The following MIA2 variants were observed in gnomAD, a reference collection of about 807,000 sequenced individuals.
MIA2 encodes melanoma inhibitory activity protein 2.
A neutral mutation model predicts 167.8 loss-of-function variants in MIA2; 127 were observed. That is an observed-to-expected ratio of 0.76 (90% CI 0.66 to 0.88). The LOEUF (loss-of-function observed/expected upper bound fraction) is 0.88. Ranked by LOEUF, MIA2 falls within the 40% of genes least tolerant of loss-of-function variation. MIA2 has a pLI of 0.00. For synonymous variants in MIA2, 552 were observed against 541.9 expected, an observed-to-expected ratio of 1.02 and a Z score of -0.26; for missense variants, 1,690 against 1,624.7, an observed-to-expected ratio of 1.04 and a Z score of -0.69.
intron 18 of MIA2, among the ~76,000 whole-genome samples, chr14:39,308,963 C>T (rs2063777742): frequency 6.6e-6 from 1 of 152,132 alleles, no homozygotes; most frequent in African/African-American, 2.4e-5. Flanking sequence ...TTGCTTCTGC[C>T]CAGGTGTTCC....
chr14:39,305,493 C>G (rs1353988297), intron 17 of MIA2, among the ~76,000 whole-genome samples: 1 of 152,134 alleles, frequency 6.6e-6, no homozygotes, highest in Non-Finnish European at 1.5e-5. Flanking sequence ...TCTTTCAAAT[C>G]TAACTTTGTT....
intron 25 of MIA2, among the ~76,000 whole-genome samples, chr14:39,329,545 A>G (rs1595696287): frequency 2.0e-5 from 3 of 152,284 alleles, no homozygotes; most frequent in Admixed American, 2.0e-4. Context: ...CTGGTTTTCA[A>G]AGGGAATTCT....
chr14:39,302,450 A>G (rs1160770711), intron 15 of MIA2, among the ~76,000 whole-genome samples: 1 of 152,196 alleles, frequency 6.6e-6, no homozygotes, highest in Non-Finnish European at 1.5e-5. Flanking sequence ...GTCTTTCTCC[A>G]GCTGCTCAGA....
intron 9 of MIA2, among the ~76,000 whole-genome samples, chr14:39,289,199 C>T (rs369606233): frequency 2.1e-5 from 3 of 144,904 alleles, no homozygotes; most frequent in Non-Finnish European, 4.5e-5. Flanking sequence ...TTTTTGGTTT[C>T]GACTTTGTTG....
At chr14:39,336,641 A>C (rs2070484491) in intron 25 of MIA2, among the ~76,000 whole-genome samples, 1 of 152,218 alleles carries the variant, frequency 6.6e-6, no homozygotes, top group Non-Finnish European at 1.5e-5. Context: ...ATTAGTTTGC[A>C]TGTTTAGAAC....
chr14:39,271,781 T>A (rs565300351), intron 6 of MIA2, among the ~76,000 whole-genome samples: 1 of 151,756 alleles, frequency 6.6e-6, no homozygotes, highest in Admixed American at 6.6e-5. Context: ...GCTCCTTAGC[T>A]CAGCTAGGTC....
intron 28 of MIA2, 27 bp from the exon 29 acceptor site, chr14:39,350,071 A>G: frequency 1.0e-6 from 1 of 970,400 alleles, no homozygotes; most frequent in Non-Finnish European, 1.5e-6. Context: ...AAGTTAAAAA[A>G]TGTCTTTTAC....
chr14:39,306,397 C>T (rs1251326402), intron 17 of MIA2, among the ~76,000 whole-genome samples: 1 of 152,048 alleles, frequency 6.6e-6, no homozygotes. Context: ...GGGGTAGCTT[C>T]CTTACATGGT....
chr14:39,299,068 T>TA (rs3065043), intron 13 of MIA2, among the ~76,000 whole-genome samples: 565 of 44,020 alleles, frequency 0.013, 21 homozygotes, highest in African/African-American at 0.034. Flanking sequence ...TCCCTGCCTC[T>TA]AAAAAAAAAA....
At chr14:39,323,763 T>G (rs746917846) in intron 24 of MIA2, among the ~76,000 whole-genome samples, 1 of 152,202 alleles carries the variant, frequency 6.6e-6, no homozygotes, top group Non-Finnish European at 1.5e-5. Context: ...ATTACATAAG[T>G]CAAGGATTGC....
intron 23 of MIA2, among the ~76,000 whole-genome samples, chr14:39,380,691 CAAAAAAAAAAA>C (rs145179098): frequency 3.1e-4 from 26 of 85,018 alleles, no homozygotes; most frequent in East Asian, 1.0e-3. Flanking sequence ...GACTCAGACT[CAAAAAAAAAAA>C]AAAAAAAAAA....
intron 6 of MIA2, among the ~76,000 whole-genome samples, chr14:39,263,180 G>A (rs1236128956): frequency 6.6e-6 from 1 of 152,108 alleles, no homozygotes; most frequent in Non-Finnish European, 1.5e-5. Flanking sequence ...ATTATTTTGA[G>A]ATATGTTCCA....
In MIA2 at chr14:39,311,474, T is replaced by G. The variant is rs1185321024; in HGVS notation, c.3018-1866T>G. On this transcript the variant is annotated intron_variant, in intron 18 of 28. Coordinates refer to ENST00000640607, the MANE Select transcript of MIA2 (RefSeq NM_001329214.4). ...AGAAGCTTGATGTGTTGCTTTTTTT[T>G]TTTTTTTTTTTTTTTTTTGGTGAGA... 3.6e-5 allele frequency among the ~76,000 whole-genome samples: 5 copies of G among 139,096 alleles called. No homozygotes were observed. The East Asian group carries it at 1.0e-3, about 29-fold the overall frequency. The allele number at this position is 139,096 out of a possible 152,430, so 91.3% of individuals were successfully genotyped here. A position where few individuals can be genotyped will look rare whatever the true frequency, so the allele number is the denominator to read the frequency against.
Position 39,326,933 on chromosome 14 carries a change from G to T in MIA2, c.3566G>T (p.Arg1189Met). 1 of 1,598,210 alleles carries T rather than the reference G, an allele frequency of 6.3e-7. No homozygotes were observed. ...TNERGESSCD[R>M]LTDPHRAPSD... is the part of the protein sequence containing the mutation. ...GAAAGAGGAGAATCAAGCTGTGATAGGTTAACCGATCCTCATAGGGCTCCC... is the reference window on the plus strand; with the variant it reads ...GAAAGAGGAGAATCAAGCTGTGATATGTTAACCGATCCTCATAGGGCTCCC... Residue 1189 changes from arginine (R) to methionine (M), a missense_variant, in exon 25 of 29, where the codon AGG becomes ATG. Coordinates refer to ENST00000640607, the MANE Select transcript of MIA2 (RefSeq NM_001329214.4).
chr14:39,267,384 TG>T, intron 6 of MIA2: 1 of 1,603,584 alleles, frequency 6.2e-7, no homozygotes. Context: ...GACCGAAGGC[TG>T]TGTGTTCTCC....
chr14:39,335,980 C>T (rs925630359), intron 25 of MIA2, among the ~76,000 whole-genome samples: 1 of 152,110 alleles, frequency 6.6e-6, no homozygotes, highest in Non-Finnish European at 1.5e-5. Flanking sequence ...TGTATATGTA[C>T]TGCATTTTCT....
At chr14:39,378,333 C>T (rs1276627429) in intron 23 of MIA2, among the ~76,000 whole-genome samples, 1 of 151,692 alleles carries the variant, frequency 6.6e-6, no homozygotes, top group Non-Finnish European at 1.5e-5. Context: ...TTAACTCCTA[C>T]TGTGCTCAAT....
chr14:39,252,988 CT>C (rs764359819), intron 5 of MIA2, 22 bp downstream of exon 5: 1 of 1,576,938 alleles, frequency 6.3e-7, no homozygotes, highest in Non-Finnish European at 8.7e-7. Flanking sequence ...GTTATTTATT[CT>C]CTAATGCATC....
intron 16 of MIA2, among the ~76,000 whole-genome samples, 192 bp downstream of exon 16, chr14:39,303,716 A>G (rs1434280358): frequency 2.0e-5 from 3 of 152,056 alleles, no homozygotes; most frequent in Non-Finnish European, 4.4e-5. Flanking sequence ...AATTTTTGGA[A>G]TTTATCAAAA....
Sources: gnomAD v4.1 joint callset for allele counts (sites outside exome capture counted in the v4.1 genomes callset) on GRCh38, gnomAD v4.1.1 for gene constraint, MANE v1.5 for transcripts, NCBI Gene and HGNC (gene_info 2026-07-23, HGNC 2026-07-21) for gene names.